Variants in NRXN3 observed in about 807,000 individuals in gnomAD.
The protein encoded by NRXN3 is neurexin III.
In NRXN3, 32 loss-of-function variants were observed where a neutral mutation model predicts 137.6. That is an observed-to-expected ratio of 0.23 (90% CI 0.18 to 0.31). The LOEUF is 0.31. Among genes scored for constraint, NRXN3 ranks in the 10% least tolerant of loss-of-function variants. NRXN3 has a pLI of 1.00. For synonymous variants in NRXN3, 798 were observed against 784.5 expected, an observed-to-expected ratio of 1.02 and a Z score of -0.29; for missense variants, 1,574 against 2,062.5, an observed-to-expected ratio of 0.76 and a Z score of 4.59.
intron 17 of NRXN3, among the ~76,000 whole-genome samples, chr14:79,675,576 T>C (rs1191610287): frequency 1.3e-5 from 2 of 152,060 alleles, no homozygotes; most frequent in African/African-American, 4.8e-5. Flanking sequence ...AGAGCAAGAG[T>C]ATCTCTAAGT....
chr14:78,862,197 A>C (rs932244362), intron 10 of NRXN3, among the ~76,000 whole-genome samples: 1 of 152,108 alleles, frequency 6.6e-6, no homozygotes, highest in Non-Finnish European at 1.5e-5. Flanking sequence ...CATGAATGAG[A>C]AGTAGCTAGT....
chr14:78,403,341 AAGT>A (rs942870072), intron 4 of NRXN3, among the ~76,000 whole-genome samples: 2 of 152,192 alleles, frequency 1.3e-5, no homozygotes, highest in African/African-American at 4.8e-5. Flanking sequence ...ATTCTGATCA[AAGT>A]AGTTATTTAA....
chr14:79,862,880 A>G lies in NRXN3; in HGVS notation c.*916A>G, dbSNP rs2099415645. ...TGGTGTTATCAGAGCTATTGGCTTT[A>G]CGTAACAATATTGTTCCTGTCCATT... On this transcript the variant is annotated 3_prime_UTR_variant, in exon 21 of 21. Transcript: ENST00000335750. 1 of 152,486 alleles carries G rather than the reference A, an allele frequency of 6.6e-6. No individual in the cohort carries two copies. The highest frequency in any genetic ancestry group is 1.5e-5 in the Non-Finnish European group (1 of 68,034). The allele number at this position is 152,486 out of a possible 1,614,324, so 9.4% of individuals were successfully genotyped here.
chr14:79,592,647 T>C (rs999575806), intron 16 of NRXN3, among the ~76,000 whole-genome samples: 2 of 152,184 alleles, frequency 1.3e-5, no homozygotes, highest in African/African-American at 4.8e-5. Context: ...GTATATTCTT[T>C]GTAGATCACT....
intron 15 of NRXN3, among the ~76,000 whole-genome samples, chr14:79,069,735 G>T (rs1162112307): frequency 1.3e-5 from 2 of 152,050 alleles, no homozygotes; most frequent in Non-Finnish European, 2.9e-5. Flanking sequence ...GACACACTGT[G>T]ATCATTACAA....
intron 15 of NRXN3, among the ~76,000 whole-genome samples, chr14:79,059,984 C>A (rs1418602965): frequency 1.3e-5 from 2 of 152,174 alleles, no homozygotes; most frequent in African/African-American, 4.8e-5. Context: ...TGGGGAAACA[C>A]AGGAGTCAAA....
At chr14:79,547,926 A>G (rs372808809) in intron 16 of NRXN3, among the ~76,000 whole-genome samples, 4 of 152,204 alleles carry the variant, frequency 2.6e-5, no homozygotes, top group Admixed American at 2.6e-4. Context: ...TGACTTAGGC[A>G]ACTTTAACAA....
intron 1 of NRXN3, among the ~76,000 whole-genome samples, chr14:78,204,192 T>C (rs1455394436): frequency 6.6e-6 from 1 of 152,170 alleles, no homozygotes; most frequent in East Asian, 1.9e-4. Flanking sequence ...ATTAACATTT[T>C]CCAGCCCCTT....
At chr14:78,346,106 A>G (rs1000960207) in intron 4 of NRXN3, among the ~76,000 whole-genome samples, 1 of 152,174 alleles carries the variant, frequency 6.6e-6, no homozygotes, top group African/African-American at 2.4e-5. Context: ...CTGATGCTCT[A>G]TTGAGACCTG....
intron 16 of NRXN3, among the ~76,000 whole-genome samples, chr14:79,628,031 C>T (rs2098300632): frequency 6.6e-6 from 1 of 152,026 alleles, no homozygotes; most frequent in African/African-American, 2.4e-5. Flanking sequence ...AAAAAGGTTT[C>T]CTTTTAATCA....
At chr14:78,349,064 A>G (rs1488527633) in intron 4 of NRXN3, among the ~76,000 whole-genome samples, 1 of 152,218 alleles carries the variant, frequency 6.6e-6, no homozygotes, top group African/African-American at 2.4e-5. Flanking sequence ...CAGGGACCAC[A>G]TGCCTGGAAT....
chr14:78,185,238 G>A (rs1349555584), intron 1 of NRXN3, among the ~76,000 whole-genome samples: 1 of 152,216 alleles, frequency 6.6e-6, no homozygotes, highest in Non-Finnish European at 1.5e-5. Context: ...ATAGGATAGA[G>A]GGAACCCAGG....
At chr14:78,211,690 C>A (rs562301634) in intron 1 of NRXN3, among the ~76,000 whole-genome samples, 1 of 152,256 alleles carries the variant, frequency 6.6e-6, no homozygotes, top group African/African-American at 2.4e-5. Flanking sequence ...ACTATTCTAA[C>A]GTCTGCCTCT....
intron 4 of NRXN3, among the ~76,000 whole-genome samples, chr14:78,328,374 A>C (rs934916196): frequency 6.6e-6 from 1 of 152,180 alleles, no homozygotes; most frequent in African/African-American, 2.4e-5. Flanking sequence ...GATTTGATTC[A>C]TGTTCCCTGG....
intron 10 of NRXN3, among the ~76,000 whole-genome samples, chr14:78,933,039 A>G (rs2099326710): frequency 1.3e-5 from 2 of 152,226 alleles, no homozygotes; most frequent in South Asian, 2.1e-4. Flanking sequence ...AACACTGACA[A>G]TTTGCATCGT....
At chr14:79,257,457 GTGGTGGTGGTGGTGATGGTGGTGA>G (rs2076835850) in intron 15 of NRXN3, among the ~76,000 whole-genome samples, 1 of 45,846 alleles carries the variant, frequency 2.2e-5, no homozygotes, top group Non-Finnish European at 4.4e-5. Flanking sequence ...GATGGTGGTG[GTGGTGGTGGTGGTGATGGTGGTGA>G]TGGTGGTGAT....
Position 78,651,340 on chromosome 14 carries a change from A to C in NRXN3, c.1221+14A>C. ...TGCCTTAAAGAGGTAAAGTTCACCC[A>C]ATTCTATTTAATGCACCATGTGATT... On this transcript the variant is annotated intron_variant, in intron 6 of 20. Coordinates refer to ENST00000335750, the MANE Select transcript of NRXN3 (RefSeq NM_001330195.2). 6.2e-7 allele frequency: 1 copy of C among 1,612,680 alleles called. No individual in the cohort carries two copies. Among genetic ancestry groups the C allele is most frequent in the Non-Finnish European group, 8.5e-7 (1 of 1,178,976 alleles).
chr14:78,381,537 G>A (rs1281021000), intron 4 of NRXN3, among the ~76,000 whole-genome samples: 1 of 152,102 alleles, frequency 6.6e-6, no homozygotes, highest in Non-Finnish European at 1.5e-5. Flanking sequence ...AACTAAACAT[G>A]CAATAACTGC....
intron 15 of NRXN3, among the ~76,000 whole-genome samples, chr14:79,009,257 G>A (rs973145731): frequency 2.0e-5 from 3 of 152,136 alleles, no homozygotes; most frequent in East Asian, 1.9e-4. Flanking sequence ...TGAGAGCCAC[G>A]TGGGCAGAGA....
Sources: allele counts gnomAD v4.1 joint callset (sites outside exome capture counted in the v4.1 genomes callset), GRCh38; gene constraint gnomAD v4.1.1; transcripts MANE v1.5; gene names NCBI Gene and HGNC (gene_info 2026-07-23, HGNC 2026-07-21).